CSMD2: variants seen among roughly 807,000 people sequenced by gnomAD.
CSMD2 encodes CUB and sushi domain-containing protein 2.
A neutral mutation model predicts 398.5 loss-of-function variants in CSMD2; 130 were observed. That is an observed-to-expected ratio of 0.33 (90% CI 0.28 to 0.38). The LOEUF is 0.38. Ranked by LOEUF, CSMD2 falls within the 10% of genes least tolerant of loss-of-function variation. The pLI, the probability that CSMD2 is intolerant of heterozygous loss-of-function variation, is 1.00. For missense variants in CSMD2, 3,829 were observed against 4,764.9 expected, an observed-to-expected ratio of 0.80 and a Z score of 5.78; for synonymous variants, 1,828 against 1,908.5, an observed-to-expected ratio of 0.96 and a Z score of 1.10.
intron 32 of CSMD2, among the ~76,000 whole-genome samples, chr1:33,630,761 A>T (rs1213888252): frequency 6.6e-6 from 1 of 152,240 alleles, no homozygotes; most frequent in Admixed American, 6.5e-5. Context: ...TTAATGCAAT[A>T]AGAACAAAAT....
At chr1:33,769,233 G>T (rs553669009) in intron 13 of CSMD2, among the ~76,000 whole-genome samples, 16 of 152,328 alleles carry the variant, frequency 1.1e-4, no homozygotes, top group Admixed American at 2.6e-4. Context: ...CAAAGCTTCT[G>T]GAAGGTAAAG....
intron 1 of CSMD2, among the ~76,000 whole-genome samples, chr1:34,107,907 G>C (rs1660678002): frequency 6.6e-6 from 1 of 152,204 alleles, no homozygotes; most frequent in Non-Finnish European, 1.5e-5. Context: ...TCGGGAAATA[G>C]GAGTGAATTG....
intron 5 of CSMD2, among the ~76,000 whole-genome samples, chr1:33,854,373 A>G (rs1168640883): frequency 6.6e-6 from 1 of 152,258 alleles, no homozygotes; most frequent in Admixed American, 6.5e-5. Flanking sequence ...TGAATGAATG[A>G]GAGCCTGCTG....
intron 12 of CSMD2, among the ~76,000 whole-genome samples, chr1:33,778,833 C>T (rs1356876610): frequency 6.6e-6 from 1 of 152,136 alleles, no homozygotes; most frequent in Non-Finnish European, 1.5e-5. Context: ...GCTGGGAGCG[C>T]TGGACAGGTT....
At chr1:33,534,044 T>C in intron 62 of CSMD2, 137 bp from the exon 63 acceptor site, 1 of 605,968 alleles carries the variant, frequency 1.7e-6, no homozygotes, top group South Asian at 2.0e-5. Context: ...CTCCGCCTGG[T>C]TAAATTTTCT....
chr1:33,816,026 A>G (rs1276257007), intron 9 of CSMD2, among the ~76,000 whole-genome samples: 1 of 152,158 alleles, frequency 6.6e-6, no homozygotes, highest in Non-Finnish European at 1.5e-5. Context: ...ATGGCATTTA[A>G]TTCACCCTGG....
At chr1:33,959,523 G>T (rs1229412045) in intron 3 of CSMD2, among the ~76,000 whole-genome samples, 2 of 152,076 alleles carry the variant, frequency 1.3e-5, no homozygotes, top group African/African-American at 4.8e-5. Flanking sequence ...CAGTTTGCCC[G>T]GGACATATCC....
chr1:34,072,932 C>T (rs982840833), intron 2 of CSMD2, among the ~76,000 whole-genome samples: 1 of 152,108 alleles, frequency 6.6e-6, no homozygotes, highest in Non-Finnish European at 1.5e-5. Context: ...CTTCCATAAC[C>T]CCCTTCGGTG....
intron 37 of CSMD2, among the ~76,000 whole-genome samples, chr1:33,618,994 C>G (rs1641579690): frequency 6.6e-6 from 1 of 152,186 alleles, no homozygotes; most frequent in South Asian, 2.1e-4. Context: ...TCCCACACAG[C>G]AAATGGGAGT....
In CSMD2 at chr1:33,537,500, C is replaced by T; in HGVS notation, c.9741G>A (p.Val3247=). 1 of 1,614,202 alleles carries T rather than the reference C, an allele frequency of 6.2e-7. No homozygotes were observed. ...SFSCHPPLVL[V]GSPRRFCQSD... ...ACTGGCAAAACCTGCGTGGAGAGCC[C>T]ACCAGCACCAGAGGGGGATGGCAGG... Residue 3247 remains valine (V), a synonymous_variant, in exon 61 of 71, where the codon GTG becomes GTA. Coordinates refer to ENST00000373381, the MANE Select transcript of CSMD2 (RefSeq NM_001281956.2). The surrounding 1 kb of genome is among the most constrained non-coding windows in gnomAD (Gnocchi z 4.6).
intron 5 of CSMD2, among the ~76,000 whole-genome samples, chr1:33,895,507 C>T (rs780205620): frequency 2.6e-5 from 4 of 152,066 alleles, no homozygotes; most frequent in African/African-American, 4.8e-5. Flanking sequence ...GGAGGCTGGA[C>T]CTTATATTGA....
chr1:33,754,543 T>C (rs2149281936), intron 13 of CSMD2, among the ~76,000 whole-genome samples: 1 of 152,286 alleles, frequency 6.6e-6, no homozygotes, highest in South Asian at 2.1e-4. Flanking sequence ...TTTATAACAA[T>C]GCAAGAATGG....
intron 47 of CSMD2, among the ~76,000 whole-genome samples, chr1:33,582,157 A>G (rs930463743): frequency 6.6e-6 from 1 of 152,156 alleles, no homozygotes; most frequent in Non-Finnish European, 1.5e-5. Context: ...TGGGCTCCCT[A>G]GCAGTAATGG....
intron 6 of CSMD2, among the ~76,000 whole-genome samples, chr1:33,843,078 A>G (rs193169671): frequency 3.2e-4 from 49 of 152,340 alleles, no homozygotes; most frequent in African/African-American, 1.1e-3. Context: ...TCAGGCCTCA[A>G]TTACAGCTCT....
intron 26 of CSMD2, among the ~76,000 whole-genome samples, chr1:33,661,731 A>G (rs1644141434): frequency 6.6e-6 from 1 of 152,222 alleles, no homozygotes; most frequent in African/African-American, 2.4e-5. Context: ...CCACGCTGCT[A>G]AATGCTTATT....
intron 1 of CSMD2, among the ~76,000 whole-genome samples, chr1:34,107,791 G>A (rs1405307583): frequency 6.6e-6 from 1 of 152,172 alleles, no homozygotes; most frequent in East Asian, 1.9e-4. Flanking sequence ...CCTGACATTT[G>A]GGGAATGAGT....
intron 3 of CSMD2, among the ~76,000 whole-genome samples, chr1:33,987,014 G>A (rs1050744491): frequency 2.1e-4 from 32 of 152,098 alleles, no homozygotes; most frequent in Admixed American, 1.8e-3. Context: ...AGCCATGGCC[G>A]ATGGCACAGC....
chr1:34,008,569 T>C (rs1570792295), intron 3 of CSMD2, among the ~76,000 whole-genome samples: 1 of 152,202 alleles, frequency 6.6e-6, no homozygotes, highest in Non-Finnish European at 1.5e-5. Context: ...GGCTCTATCA[T>C]GATGCTGTTC....
At chr1:33,700,931 A>G (rs748210672) in intron 22 of CSMD2, among the ~76,000 whole-genome samples, 23 of 152,180 alleles carry the variant, frequency 1.5e-4, no homozygotes, top group Non-Finnish European at 2.6e-4. Context: ...TTGCTATTCT[A>G]ATCTTTCCAG....
Sources: gnomAD v4.1 joint callset for allele counts (sites outside exome capture counted in the v4.1 genomes callset) on GRCh38, gnomAD v4.1.1 for gene constraint, Gnocchi (gnomAD v3.1) non-coding constraint, MANE v1.5 for transcripts, NCBI Gene and HGNC (gene_info 2026-07-23, HGNC 2026-07-21) for gene names.